Variants in CDH13 observed in about 807,000 individuals in gnomAD.
CDH13 encodes the protein cadherin 13.
Under a neutral mutation model 63.8 loss-of-function variants are expected in CDH13, and 24 were observed. That is an observed-to-expected ratio of 0.38 (90% CI 0.27 to 0.53). The LOEUF is 0.53. CDH13 is among the 20% of genes least tolerant of loss of function. CDH13 has a pLI of 0.85. For synonymous variants in CDH13, 503 were observed against 355.3 expected, an observed-to-expected ratio of 1.42 and a Z score of -4.67; for missense variants, 1,049 against 903.1, an observed-to-expected ratio of 1.16 and a Z score of -2.07.
chr16:83,083,247 C>T (rs1264306598), intron 3 of CDH13, among the ~76,000 whole-genome samples: 2 of 152,118 alleles, frequency 1.3e-5, no homozygotes, highest in East Asian at 1.9e-4. Context: ...GAGAAGAGCC[C>T]AACTGGTGTT....
At chr16:83,248,161 G>T (rs8056584) in intron 5 of CDH13, among the ~76,000 whole-genome samples, 1 of 151,750 alleles carries the variant, frequency 6.6e-6, no homozygotes, top group African/African-American at 2.4e-5. Context: ...CACTCACAGC[G>T]CCAGAATGTT....
chr16:83,234,897 T>C (rs1431346386), intron 5 of CDH13, among the ~76,000 whole-genome samples: 2 of 152,190 alleles, frequency 1.3e-5, no homozygotes, highest in Non-Finnish European at 1.5e-5. Context: ...ACACTGACTC[T>C]GTTAACTGCT....
intron 1 of CDH13, among the ~76,000 whole-genome samples, chr16:82,687,589 A>C (rs555071021): frequency 5.9e-5 from 9 of 152,130 alleles, no homozygotes; most frequent in Non-Finnish European, 1.3e-4. Flanking sequence ...ATGTCGTGAG[A>C]CTTATTCACT....
At chr16:83,624,378 T>C (rs1353718868) in intron 8 of CDH13, among the ~76,000 whole-genome samples, 1 of 151,740 alleles carries the variant, frequency 6.6e-6, no homozygotes, top group East Asian at 2.0e-4. Context: ...CCAGCCTTTT[T>C]GGCACCAGGG....
intron 1 of CDH13, among the ~76,000 whole-genome samples, chr16:82,811,821 G>A (rs1011025517): frequency 6.6e-6 from 1 of 152,132 alleles, no homozygotes; most frequent in East Asian, 1.9e-4. Context: ...GTGACTTATA[G>A]GGTTATGGCT....
chr16:83,298,626 A>G (rs1016127044), intron 5 of CDH13, among the ~76,000 whole-genome samples: 1 of 152,210 alleles, frequency 6.6e-6, no homozygotes, highest in African/African-American at 2.4e-5. Context: ...GGTAACAAGT[A>G]TAGGCTAATT....
intron 7 of CDH13, among the ~76,000 whole-genome samples, chr16:83,495,161 C>A (rs1487575046): frequency 1.3e-5 from 2 of 152,042 alleles, no homozygotes; most frequent in Admixed American, 6.6e-5. Context: ...CTCAGGAGAC[C>A]CTGAGAACAT....
intron 8 of CDH13, among the ~76,000 whole-genome samples, chr16:83,664,335 G>A (rs912370972): frequency 2.3e-4 from 35 of 152,152 alleles, no homozygotes; most frequent in African/African-American, 7.2e-4. Context: ...AGACTTGCCA[G>A]TGAACAGACC....
At chr16:83,369,632 C>T (rs1382038036) in intron 6 of CDH13, among the ~76,000 whole-genome samples, 4 of 151,972 alleles carry the variant, frequency 2.6e-5, no homozygotes, top group Non-Finnish European at 5.9e-5. Flanking sequence ...ACTGTGTTGC[C>T]GAGGTTGGTC....
intron 1 of CDH13, among the ~76,000 whole-genome samples, chr16:82,794,103 T>C (rs546760829): frequency 1.1e-4 from 16 of 152,208 alleles, no homozygotes; most frequent in Non-Finnish European, 2.2e-4. Flanking sequence ...GGAGGATGAC[T>C]TTGAATGAGG....
At chr16:82,880,898 T>C (rs2040680499) in intron 2 of CDH13, among the ~76,000 whole-genome samples, 2 of 152,298 alleles carry the variant, frequency 1.3e-5, no homozygotes, top group East Asian at 1.9e-4. Context: ...GTAAATCAGA[T>C]TAAATAATGC....
intron 7 of CDH13, among the ~76,000 whole-genome samples, chr16:83,495,243 G>C (rs746561070): frequency 6.6e-6 from 1 of 152,158 alleles, no homozygotes; most frequent in Non-Finnish European, 1.5e-5. Flanking sequence ...ATCAATACTT[G>C]TAAAATGTAC....
At chr16:83,009,829 A>G (rs1168265872) in intron 2 of CDH13, among the ~76,000 whole-genome samples, 5 of 152,212 alleles carry the variant, frequency 3.3e-5, no homozygotes, top group African/African-American at 1.2e-4. Context: ...TCTATCCCCA[A>G]AGATTCTGAT....
intron 6 of CDH13, among the ~76,000 whole-genome samples, chr16:83,463,362 G>C (rs1415987834): frequency 6.6e-6 from 1 of 152,210 alleles, no homozygotes; most frequent in Non-Finnish European, 1.5e-5. Flanking sequence ...CTATCCTCCA[G>C]GGACTGGCTG....
intron 3 of CDH13, among the ~76,000 whole-genome samples, chr16:83,087,192 T>G (rs1442595487): frequency 2.6e-5 from 4 of 152,198 alleles, no homozygotes; most frequent in Admixed American, 6.5e-5. Context: ...TTAATTCAGT[T>G]GTTTATGCCA....
At chr16:83,351,798 C>A (rs1200847496) in intron 6 of CDH13, among the ~76,000 whole-genome samples, 1 of 152,230 alleles carries the variant, frequency 6.6e-6, no homozygotes, top group Admixed American at 6.5e-5. Context: ...GGTGATGCTT[C>A]TAATCAGAGG....
At chr16:83,442,816 A>G (rs1256999908) in intron 6 of CDH13, among the ~76,000 whole-genome samples, 1 of 152,264 alleles carries the variant, frequency 6.6e-6, no homozygotes, top group Non-Finnish European at 1.5e-5. Context: ...AGTGATGTGC[A>G]CTTGGTAATT....
chr16:83,119,244 T>C (rs957698809), intron 3 of CDH13, among the ~76,000 whole-genome samples: 2 of 152,226 alleles, frequency 1.3e-5, no homozygotes, highest in Non-Finnish European at 2.9e-5. Context: ...ACTCATCAGA[T>C]GGTTACGTTC....
chr16:83,470,553 A>G (rs1362094286), intron 6 of CDH13, among the ~76,000 whole-genome samples: 1 of 152,208 alleles, frequency 6.6e-6, no homozygotes, highest in African/African-American at 2.4e-5. Context: ...GCAGTGCTCA[A>G]GGATGATTCA....
Sources: allele counts gnomAD v4.1 joint callset (sites outside exome capture counted in the v4.1 genomes callset), GRCh38; gene constraint gnomAD v4.1.1; transcripts MANE v1.5; gene names NCBI Gene and HGNC (gene_info 2026-07-23, HGNC 2026-07-21).